The following XYLT1 variants were observed in gnomAD, a reference collection of about 807,000 sequenced individuals.
The protein encoded by XYLT1 is beta-D-xylosyltransferase 1.
Under a neutral mutation model 91.3 loss-of-function variants are expected in XYLT1, and 36 were observed. That is an observed-to-expected ratio of 0.39 (90% confidence interval 0.30 to 0.52). XYLT1 has a LOEUF of 0.52. XYLT1 is among the 20% of genes least tolerant of loss of function. The probability of loss-of-function intolerance (pLI) is 0.68; values close to 1 mark genes in which losing one functional copy is unlikely to be tolerated. For synonymous variants in XYLT1, 588 were observed against 532.0 expected, an observed-to-expected ratio of 1.11 and a Z score of -1.45; for missense variants, 1,242 against 1,284.5, an observed-to-expected ratio of 0.97 and a Z score of 0.51.
chr16:17,118,086 A>T (rs1042677986), intron 10 of XYLT1, 107 bp from the exon 11 acceptor site: 3 of 1,181,618 alleles, frequency 2.5e-6, no homozygotes, highest in African/African-American at 3.1e-5. Flanking sequence ...CATTTTACAG[A>T]TGAAGAAACT....
chr16:17,115,677 A>G (rs1966850557), intron 11 of XYLT1, among the ~76,000 whole-genome samples: 1 of 151,374 alleles, frequency 6.6e-6, no homozygotes, highest in Non-Finnish European at 1.5e-5. Context: ...GGGTTTCACC[A>G]TGTTGGCCAG....
intron 5 of XYLT1, among the ~76,000 whole-genome samples, chr16:17,174,798 C>A (rs1220761828): frequency 6.6e-6 from 1 of 152,126 alleles, no homozygotes; most frequent in Non-Finnish European, 1.5e-5. Flanking sequence ...TGAGATGAAG[C>A]CTCACTCTGT....
intron 1 of XYLT1, among the ~76,000 whole-genome samples, chr16:17,384,869 C>T (rs1039732793): frequency 7.2e-5 from 11 of 151,856 alleles, no homozygotes; most frequent in Admixed American, 5.3e-4. Flanking sequence ...TTAATCATTC[C>T]GTTTAGTAAT....
chr16:17,285,894 G>A (rs1318824788), intron 2 of XYLT1, among the ~76,000 whole-genome samples: 15 of 143,198 alleles, frequency 1.0e-4, no homozygotes, highest in Non-Finnish European at 2.3e-4. Flanking sequence ...GTGTGTGTGT[G>A]TGTGTGTGTG....
intron 1 of XYLT1, among the ~76,000 whole-genome samples, chr16:17,378,245 A>T (rs1262497171): frequency 6.6e-6 from 1 of 152,058 alleles, no homozygotes; most frequent in Non-Finnish European, 1.5e-5. Flanking sequence ...GGTGTGTGTG[A>T]GAAAGAGGAA....
chr16:17,270,072 C>T (rs981016139), intron 2 of XYLT1, among the ~76,000 whole-genome samples: 3 of 152,140 alleles, frequency 2.0e-5, no homozygotes, highest in African/African-American at 7.2e-5. Context: ...CTTGGCCTCC[C>T]AAAGTGCTGG....
intron 10 of XYLT1, among the ~76,000 whole-genome samples, chr16:17,122,963 G>A (rs1199289845): frequency 1.3e-5 from 2 of 152,170 alleles, no homozygotes; most frequent in African/African-American, 4.8e-5. Flanking sequence ...GTACCATGCT[G>A]TTCTGGTGAC....
rs112704031 is a variant in XYLT1, at chr16:17,258,181, A to G, written c.913+807T>C. Reference sequence around the variant, plus strand: ...AAGAAGGAAGGAAGGAAGGAAGTAAAGAATGAAGGAAGGAAAAGAAGAAAG... The same window carrying G: ...AAGAAGGAAGGAAGGAAGGAAGTAAGGAATGAAGGAAGGAAAAGAAGAAAG... On this transcript the variant is annotated intron_variant, in intron 3 of 11. Coordinates refer to ENST00000261381, the MANE Select transcript of XYLT1 (RefSeq NM_022166.4). Among the ~76,000 whole-genome samples the G allele has an allele frequency of 5.3e-4, 80 of 149,888 alleles. 1 individual carries two copies. The highest frequency in any genetic ancestry group is 1.8e-3 in the African/African-American group (73 of 41,234).
chr16:17,422,054 C>T (rs1001854816), intron 1 of XYLT1, among the ~76,000 whole-genome samples: 3 of 151,428 alleles, frequency 2.0e-5, no homozygotes, highest in Non-Finnish European at 4.4e-5. Flanking sequence ...ATGATCTCCA[C>T]TCACCGGAAG....
rs368858999 is a variant in XYLT1 at position 17,185,775 on chromosome 16, C to T, written c.1289+12437G>A. Among the ~76,000 whole-genome samples the T allele has an allele frequency of 9.7e-4, 147 of 152,160 alleles. 2 individuals carry two copies. The South Asian group carries it at 0.028, about 29-fold the overall frequency. On this transcript the variant is annotated intron_variant, in intron 5 of 11. Transcript: ENST00000261381. ...TAGCACTTTGGGAGGCTGAGGTGCG[C>T]AGATCACTTGAGGTCATGAGTTTGA...
intron 1 of XYLT1, chr16:17,445,743 A>G (rs896622223): frequency 2.0e-5 from 3 of 152,250 alleles, no homozygotes; most frequent in South Asian, 4.1e-4. Context: ...AGCTGTTTAT[A>G]GTTTGTTTAT....
At chr16:17,382,414 T>C (rs2035693359) in intron 1 of XYLT1, among the ~76,000 whole-genome samples, 1 of 151,930 alleles carries the variant, frequency 6.6e-6, no homozygotes, top group Non-Finnish European at 1.5e-5. Context: ...TGCCCACCAC[T>C]TGAAATGTGG....
At chr16:17,445,858 A>G (rs980855534) in intron 1 of XYLT1, 6 of 152,204 alleles carry the variant, frequency 3.9e-5, no homozygotes, top group Non-Finnish European at 7.3e-5. Context: ...TTTTAATGGG[A>G]TAAAGAGGGG....
intron 1 of XYLT1, among the ~76,000 whole-genome samples, chr16:17,431,347 G>A (rs1248821232): frequency 6.6e-6 from 1 of 152,182 alleles, no homozygotes; most frequent in Non-Finnish European, 1.5e-5. Flanking sequence ...AAGGTCGGGA[G>A]TGGGGCTTGA....
chr16:17,220,045 T>C (rs1340761678), intron 3 of XYLT1, among the ~76,000 whole-genome samples: 1 of 152,054 alleles, frequency 6.6e-6, no homozygotes, highest in Non-Finnish European at 1.5e-5. Context: ...GGAAAGTGGG[T>C]GGGTCCTAGG....
chr16:17,115,383 C>G (rs1354250338), intron 11 of XYLT1, among the ~76,000 whole-genome samples: 1 of 142,684 alleles, frequency 7.0e-6, no homozygotes, highest in Non-Finnish European at 1.5e-5. Flanking sequence ...ACTTAGGAGG[C>G]TGAGGTGAGA....
intron 1 of XYLT1, among the ~76,000 whole-genome samples, chr16:17,373,937 C>T (rs4780692): frequency 0.28 from 43,302 of 152,124 alleles, 6,718 homozygotes; most frequent in Non-Finnish European, 0.36. Flanking sequence ...ATTCCATCAT[C>T]TTATATCAAA....
chr16:17,272,082 G>A (rs1005461120), intron 2 of XYLT1, among the ~76,000 whole-genome samples: 2 of 151,914 alleles, frequency 1.3e-5, no homozygotes, highest in Non-Finnish European at 2.9e-5. Context: ...AGAAGAGGAG[G>A]GACACATTCA....
intron 2 of XYLT1, among the ~76,000 whole-genome samples, chr16:17,284,675 G>A (rs559233866): frequency 1.3e-5 from 2 of 152,362 alleles, no homozygotes; most frequent in African/African-American, 4.8e-5. Context: ...CCAGCTACTT[G>A]AGAGGCTGAG....
Sources: gnomAD v4.1 joint callset for allele counts (sites outside exome capture counted in the v4.1 genomes callset) on GRCh38, gnomAD v4.1.1 for gene constraint, MANE v1.5 for transcripts, NCBI Gene and HGNC (gene_info 2026-07-23, HGNC 2026-07-21) for gene names.